Variants in ABCC9 observed in about 807,000 individuals in gnomAD.
The protein encoded by ABCC9 is ATP-binding cassette sub-family C member 9.
ABCC9 carries 95 observed loss-of-function variants against 188.3 expected under a neutral mutation model. The observed-to-expected ratio is 0.50, with a 90% CI of 0.43 to 0.60. ABCC9 has a LOEUF of 0.60. Ranked by LOEUF, ABCC9 falls within the 20% of genes least tolerant of loss-of-function variation. The probability of loss-of-function intolerance (pLI) is 0.00; values close to 1 mark genes in which losing one functional copy is unlikely to be tolerated. For synonymous variants in ABCC9, 659 were observed against 652.7 expected (o/e 1.01, Z -0.15); for missense variants, 1,102 against 1,876.3 (o/e 0.59, Z 7.62).
intron 17 of ABCC9, among the ~76,000 whole-genome samples, chr12:21,875,000 C>T (rs557771372): frequency 3.3e-5 from 5 of 150,674 alleles, no homozygotes; most frequent in South Asian, 2.2e-4. Flanking sequence ...ATAGTACATA[C>T]GATTAACAAT....
intron 4 of ABCC9, among the ~76,000 whole-genome samples, chr12:21,929,089 A>G (rs1423888930): frequency 1.3e-5 from 2 of 152,176 alleles, no homozygotes; most frequent in Non-Finnish European, 2.9e-5. Context: ...ATTTTAATAC[A>G]CTGCTTTTAG....
intron 26 of ABCC9, 32 bp downstream of exon 26, chr12:21,845,571 A>G (rs368526632): frequency 2.1e-5 from 33 of 1,559,184 alleles, no homozygotes; most frequent in Non-Finnish European, 2.2e-5. Context: ...TATTTCCTTG[A>G]TGATTTAAAA....
chr12:21,848,347 A>G (rs1470665369), intron 24 of ABCC9, 101 bp from the exon 25 acceptor site: 6 of 1,015,196 alleles, frequency 5.9e-6, no homozygotes, highest in East Asian at 2.5e-5. Flanking sequence ...ACCTTTACCA[A>G]TCTCAAGCGC....
intron 12 of ABCC9, 41 bp from the exon 13 acceptor site, chr12:21,895,356 G>A: frequency 6.4e-7 from 1 of 1,552,644 alleles, no homozygotes; most frequent in Non-Finnish European, 8.9e-7. Context: ...ATTGAACTGT[G>A]AAAACATTTT....
chr12:21,871,586 A>G (rs1356680134), intron 18 of ABCC9, among the ~76,000 whole-genome samples: 1 of 152,224 alleles, frequency 6.6e-6, no homozygotes, highest in Non-Finnish European at 1.5e-5. Flanking sequence ...GTATGTAAAC[A>G]GCAAACTCAG....
Position 21,916,959 on chromosome 12 carries a change from TC to T in ABCC9, c.550del (p.Glu184ArgfsTer14). On this transcript the variant is annotated frameshift_variant, in exon 6 of 40. Transcript: ENST00000261200. LOFTEE classifies it high-confidence loss of function. The stretch of plus-strand genomic sequence containing the variant: ...TACCCTGACTCGAATGACATTGATC[TC>T]CACAGCCATCAAGAGCCCATTCAAG... ...VILNGLLMAV[E>X]INVIRVRRYV... 6.2e-7 allele frequency: 1 copy of T among 1,613,264 alleles called. No homozygotes were observed. The highest frequency in any genetic ancestry group is 8.5e-7 in the Non-Finnish European group (1 of 1,179,590).
intron 17 of ABCC9, 27 bp from the exon 18 acceptor site, chr12:21,872,757 A>G (rs2137582326): frequency 6.7e-7 from 1 of 1,484,460 alleles, no homozygotes; most frequent in Non-Finnish European, 9.4e-7. Context: ...AAGGATAACT[A>G]CAGAATGAGA....
intron 4 of ABCC9, among the ~76,000 whole-genome samples, chr12:21,929,059 A>G (rs1291829459): frequency 2.6e-5 from 4 of 152,184 alleles, no homozygotes; most frequent in Non-Finnish European, 4.4e-5. Context: ...AAAACCTAAT[A>G]AAACACAGTA....
intron 18 of ABCC9, among the ~76,000 whole-genome samples, chr12:21,871,368 G>C (rs1946066024): frequency 6.6e-6 from 1 of 152,150 alleles, no homozygotes; most frequent in African/African-American, 2.4e-5. Context: ...CAGTTGCAAG[G>C]CTATCTGCTA....
At chr12:21,907,945 G>T in intron 11 of ABCC9, 132 bp downstream of exon 11, 2 of 1,057,558 alleles carry the variant, frequency 1.9e-6, no homozygotes, top group African/African-American at 1.6e-5. Context: ...ATACACATTT[G>T]CTGCTGAAGA....
chr12:21,893,235 A>T (rs1327709043), intron 14 of ABCC9, among the ~76,000 whole-genome samples: 4 of 152,216 alleles, frequency 2.6e-5, no homozygotes, highest in African/African-American at 9.6e-5. Context: ...ATGAGATATT[A>T]TAAAGAGACA....
intron 4 of ABCC9, 68 bp downstream of exon 4, chr12:21,933,712 GAT>G: frequency 6.5e-7 from 1 of 1,543,270 alleles, no homozygotes. Context: ...AAGTTACAAA[GAT>G]GTGAACTTGT....
intron 34 of ABCC9, 23 bp downstream of exon 34, chr12:21,815,740 T>C (rs759980375): frequency 6.2e-7 from 1 of 1,610,968 alleles, no homozygotes; most frequent in African/African-American, 1.3e-5. Flanking sequence ...GTATACAACA[T>C]ATCAAATGCA....
intron 31 of ABCC9, 147 bp from the exon 32 acceptor site, chr12:21,818,398 G>C (rs561828128): frequency 2.9e-6 from 2 of 698,732 alleles, no homozygotes; most frequent in South Asian, 3.1e-5. Flanking sequence ...CTAAGATGTA[G>C]AAGAATAATA....
intron 25 of ABCC9, among the ~76,000 whole-genome samples, chr12:21,847,200 C>T (rs1944717250): frequency 6.6e-6 from 1 of 152,142 alleles, no homozygotes; most frequent in Admixed American, 6.6e-5. Flanking sequence ...GCACAGTCAG[C>T]ATCCCCACTG....
chr12:21,828,176 G>T (rs1158181759), intron 31 of ABCC9, among the ~76,000 whole-genome samples: 2 of 152,204 alleles, frequency 1.3e-5, no homozygotes, highest in African/African-American at 4.8e-5. Context: ...GCTTATCCAT[G>T]TTCCGGATCG....
chr12:21,875,050 C>T (rs771568488), intron 17 of ABCC9, among the ~76,000 whole-genome samples: 13 of 149,400 alleles, frequency 8.7e-5, no homozygotes, highest in Admixed American at 2.0e-4. Context: ...GAGGATAAGT[C>T]TCATGTTAAG....
chr12:21,834,124 T>C (rs1297153278), intron 30 of ABCC9, among the ~76,000 whole-genome samples: 1 of 152,248 alleles, frequency 6.6e-6, no homozygotes, highest in Non-Finnish European at 1.5e-5. Context: ...ATGGTTGCCA[T>C]ATCCAATGGA....
chr12:21,865,627 T>C, intron 18 of ABCC9, among the ~76,000 whole-genome samples: 1 of 152,172 alleles, frequency 6.6e-6, no homozygotes, highest in South Asian at 2.1e-4. Flanking sequence ...TGTTAATTTG[T>C]ATTCTGGCCA....
Sources: allele counts gnomAD v4.1 joint callset (sites outside exome capture counted in the v4.1 genomes callset), GRCh38; gene constraint gnomAD v4.1.1; transcripts MANE v1.5; gene names NCBI Gene and HGNC (gene_info 2026-07-23, HGNC 2026-07-21).